TRERF1: variants seen among roughly 807,000 people sequenced by gnomAD.
The protein encoded by TRERF1 is transcriptional regulating factor 1.
A neutral mutation model predicts 122.9 loss-of-function variants in TRERF1; 27 were observed. The ratio of observed to expected loss-of-function variants is 0.22; its 90% CI spans 0.16 to 0.30. The LOEUF is 0.30. Among genes scored for constraint, TRERF1 ranks in the 10% least tolerant of loss-of-function variants. TRERF1 has a pLI of 1.00. For missense variants in TRERF1, 1,248 were observed against 1,560.3 expected, an observed-to-expected ratio of 0.80 and a Z score of 3.37; for synonymous variants, 636 against 641.7, an observed-to-expected ratio of 0.99 and a Z score of 0.13.
At chr6:42,434,050 G>A (rs748849993) in intron 2 of TRERF1, among the ~76,000 whole-genome samples, 1 of 152,184 alleles carries the variant, frequency 6.6e-6, no homozygotes, top group Middle Eastern at 3.4e-3. Context: ...AGAGAGAACT[G>A]AATAGATGTG....
At chr6:42,349,263 T>C (rs1231901436) in intron 3 of TRERF1, among the ~76,000 whole-genome samples, 1 of 151,524 alleles carries the variant, frequency 6.6e-6, no homozygotes, top group Non-Finnish European at 1.5e-5. Flanking sequence ...GGGTGGCCCA[T>C]CAAGGAAGCT....
chr6:42,443,855 C>T (rs551080168), intron 2 of TRERF1, among the ~76,000 whole-genome samples: 304 of 152,304 alleles, frequency 2.0e-3, no homozygotes, highest in South Asian at 4.1e-3. Context: ...GAAAAGAAGA[C>T]CTGGCTGAAG....
intron 4 of TRERF1, among the ~76,000 whole-genome samples, chr6:42,291,710 T>TG (rs1554148558): frequency 5.6e-4 from 85 of 150,872 alleles, no homozygotes; most frequent in African/African-American, 1.5e-3. Flanking sequence ...TTTTTTTTTT[T>TG]TGTGTGTGTA....
chr6:42,334,261 C>T (rs1432775670), intron 3 of TRERF1, among the ~76,000 whole-genome samples: 2 of 152,102 alleles, frequency 1.3e-5, no homozygotes, highest in Non-Finnish European at 2.9e-5. Flanking sequence ...AGACAGGAAC[C>T]CCAGGAGATC....
intron 2 of TRERF1, among the ~76,000 whole-genome samples, chr6:42,389,496 C>T (rs916032724): frequency 6.6e-6 from 1 of 152,238 alleles, no homozygotes; most frequent in Admixed American, 6.5e-5. Context: ...TCCATCTCTC[C>T]ATTGGCATCC....
rs1282782687 is a variant in TRERF1, at chr6:42,442,396, A to G, written c.-454+8781T>C. Among the ~76,000 whole-genome samples the G allele has an allele frequency of 2.6e-5, 4 of 152,264 alleles. No individual in the cohort carries two copies. In the East Asian group the frequency reaches 7.7e-4, roughly 29 times the overall value. ...CCTCAGGAAGGATTCTTTCTGAGGGAGCAAGCTGTCCAGGGCCCTGTTATC... is the reference window on the plus strand; with the variant it reads ...CCTCAGGAAGGATTCTTTCTGAGGGGGCAAGCTGTCCAGGGCCCTGTTATC... On this transcript the variant is annotated intron_variant, in intron 2 of 17. Transcript: ENST00000372922.
chr6:42,426,387 C>CA (rs993971735), intron 2 of TRERF1, among the ~76,000 whole-genome samples: 1 of 152,154 alleles, frequency 6.6e-6, no homozygotes, highest in African/African-American at 2.4e-5. Flanking sequence ...ACAGTACCCC[C>CA]ACACAGACAC....
intron 2 of TRERF1, among the ~76,000 whole-genome samples, chr6:42,376,108 G>A (rs75869422): frequency 1.5e-3 from 226 of 152,146 alleles, no homozygotes; most frequent in African/African-American, 5.1e-3. Flanking sequence ...CAGATGTTGG[G>A]GTCAGCCCAA....
chr6:42,417,805 C>T (rs774098867), intron 2 of TRERF1, among the ~76,000 whole-genome samples: 5 of 152,170 alleles, frequency 3.3e-5, no homozygotes, highest in Non-Finnish European at 7.3e-5. Flanking sequence ...TCACACCCCC[C>T]CAACAGTCTA....
chr6:42,337,470 G>A (rs765640099), intron 3 of TRERF1, among the ~76,000 whole-genome samples: 3 of 152,144 alleles, frequency 2.0e-5, no homozygotes, highest in Non-Finnish European at 2.9e-5. Flanking sequence ...TTGAGTCCCC[G>A]CCTGCAGATG....
chr6:42,281,492 C>A (rs66647246), intron 4 of TRERF1, among the ~76,000 whole-genome samples: 2 of 152,120 alleles, frequency 1.3e-5, no homozygotes, highest in Non-Finnish European at 2.9e-5. Flanking sequence ...CACTGTGCCA[C>A]GAGCAGTGTT....
intron 2 of TRERF1, among the ~76,000 whole-genome samples, chr6:42,418,719 T>A (rs1048759358): frequency 1.3e-5 from 2 of 152,164 alleles, no homozygotes; most frequent in African/African-American, 4.8e-5. Context: ...GGGCTGCCTG[T>A]GGCCTGCGGC....
chr6:42,273,514 C>T (rs949116479), intron 4 of TRERF1, among the ~76,000 whole-genome samples: 2 of 152,160 alleles, frequency 1.3e-5, no homozygotes, highest in East Asian at 1.9e-4. Context: ...GATTGCACCT[C>T]GGTCCTGATA....
intron 3 of TRERF1, among the ~76,000 whole-genome samples, chr6:42,327,101 G>A (rs146932117): frequency 1.3e-3 from 196 of 152,248 alleles, no homozygotes; most frequent in African/African-American, 3.6e-3. Flanking sequence ...GAGGTGGGGG[G>A]AATCTGATAA....
intron 2 of TRERF1, 132 bp from the exon 3 acceptor site, chr6:42,363,211 C>G (rs1772097622): frequency 6.6e-6 from 1 of 152,182 alleles, no homozygotes; most frequent in African/African-American, 2.4e-5. Context: ...GATGGGCCCA[C>G]CCAGGACGAG....
chr6:42,247,645 T>A (rs1435409299), intron 13 of TRERF1, among the ~76,000 whole-genome samples: 1 of 152,230 alleles, frequency 6.6e-6, no homozygotes, highest in Non-Finnish European at 1.5e-5. Context: ...ACCTGATATT[T>A]ATGTCTTTTT....
At chr6:42,250,267 C>A (rs1416370671) in intron 13 of TRERF1, among the ~76,000 whole-genome samples, 1 of 152,162 alleles carries the variant, frequency 6.6e-6, no homozygotes, top group African/African-American at 2.4e-5. Context: ...ACGTATGCCA[C>A]CCCTGCTGAT....
At chr6:42,401,155 G>A (rs144405651) in intron 2 of TRERF1, among the ~76,000 whole-genome samples, 13 of 152,296 alleles carry the variant, frequency 8.5e-5, no homozygotes, top group Non-Finnish European at 1.9e-4. Flanking sequence ...TTCTATGGGG[G>A]CCAGCAGCAA....
At chr6:42,312,464 C>T (rs1761833496) in intron 3 of TRERF1, among the ~76,000 whole-genome samples, 1 of 152,226 alleles carries the variant, frequency 6.6e-6, no homozygotes, top group African/African-American at 2.4e-5. Context: ...GAAGAATCCC[C>T]CTGTGCCGCT....
Sources: gnomAD v4.1 joint callset for allele counts (sites outside exome capture counted in the v4.1 genomes callset) on GRCh38, gnomAD v4.1.1 for gene constraint, MANE v1.5 for transcripts, NCBI Gene and HGNC (gene_info 2026-07-23, HGNC 2026-07-21) for gene names.